PLSCR4: variants seen among roughly 807,000 people sequenced by gnomAD.
PLSCR4 encodes the protein phospholipid scramblase 4.
A neutral mutation model predicts 36.3 loss-of-function variants in PLSCR4; 25 were observed. That is an observed-to-expected ratio of 0.69 (90% CI 0.50 to 0.96). The LOEUF is 0.96. PLSCR4 is among the 40% of genes least tolerant of loss of function. The probability of loss-of-function intolerance (pLI) is 0.00; values close to 1 mark genes in which losing one functional copy is unlikely to be tolerated. For missense variants in PLSCR4, 408 were observed against 414.7 expected, an observed-to-expected ratio of 0.98 and a Z score of 0.14; for synonymous variants, 122 against 132.9, an observed-to-expected ratio of 0.92 and a Z score of 0.56.
Position 146,201,340 on chromosome 3 carries a change from C to G in PLSCR4, c.355-263G>C, listed in dbSNP as rs567796836. On this transcript the variant is annotated intron_variant, in intron 4 of 8. Coordinates refer to ENST00000354952, the MANE Select transcript of PLSCR4 (RefSeq NM_020353.3). ...AAAGTTGTCTGCTATATCAGAAAAA[C>G]AAAACATCTACTTGCTGTAGTAATC... Among the ~76,000 whole-genome samples, 6 of 152,136 alleles carry G rather than the reference C, an allele frequency of 3.9e-5. No individual in the cohort carries two copies. The South Asian group carries it at 1.2e-3, about 32-fold the overall frequency.
In PLSCR4 at chr3:146,220,859, G is replaced by A; in HGVS notation, c.74C>T (p.Pro25Leu). 1 of 1,613,580 alleles carries A rather than the reference G, an allele frequency of 6.2e-7. No homozygotes were observed. The highest frequency in any genetic ancestry group is 8.5e-7 in the Non-Finnish European group (1 of 1,179,656). The change falls in exon 3 of 9, where the codon CCA becomes CTA. Residue 25 changes from proline to leucine, a missense_variant. By Grantham distance (98) the Pro-to-Leu change is moderately conservative. Coordinates refer to ENST00000354952, the MANE Select transcript of PLSCR4 (RefSeq NM_020353.3). ...GTATTCAGGAGGAGCATCAGGCCTT[G>A]GATCTGGTGGTTTTGTTTGATTTTC... ...EMENQTKPPD[P>L]RPDAPPEYNS... is the part of the protein sequence containing the mutation.
At chr3:146,242,722 G>A (rs999356201) in intron 1 of PLSCR4, among the ~76,000 whole-genome samples, 4 of 152,120 alleles carry the variant, frequency 2.6e-5, no homozygotes, top group Admixed American at 6.5e-5. Context: ...TGTGCTTTTC[G>A]AGACGAATGG....
chr3:146,208,416 AATG>A (rs1344613119), intron 3 of PLSCR4, among the ~76,000 whole-genome samples: 3 of 152,288 alleles, frequency 2.0e-5, no homozygotes, highest in African/African-American at 7.2e-5. Context: ...CAACAAAAGC[AATG>A]ATAAGTAGGT....
At chr3:146,242,600 G>A (rs973371948) in intron 1 of PLSCR4, among the ~76,000 whole-genome samples, 1 of 152,202 alleles carries the variant, frequency 6.6e-6, no homozygotes, top group Non-Finnish European at 1.5e-5. Context: ...TAGTAGGTAG[G>A]AAAGGTTAAT....
rs115718621 is a variant in PLSCR4, at chr3:146,235,835, C to T, written c.-21-13743G>A. Among the ~76,000 whole-genome samples, 1,520 of 152,268 alleles carry T rather than the reference C, an allele frequency of 1.0e-2. 16 individuals are homozygous for T. Among genetic ancestry groups the T allele is most frequent in the African/African-American group, 0.035 (1,437 of 41,546 alleles). ...CTTATTGGCAACTAGAGCAAAGGTA[C>T]TTCTGTTCCTTAACAAAGCAATTGG... is the stretch of plus-strand genomic sequence containing the variant. On this transcript the variant is annotated intron_variant, in intron 1 of 8. Coordinates refer to ENST00000354952, the MANE Select transcript of PLSCR4 (RefSeq NM_020353.3).
chr3:146,250,554 T>TA (rs936866145), intron 1 of PLSCR4: 3 of 152,110 alleles, frequency 2.0e-5, no homozygotes, highest in Non-Finnish European at 4.4e-5. Context: ...ATAGCGTTTT[T>TA]ACCTGCGAGT....
chr3:146,246,974 T>A (rs1293852048), intron 1 of PLSCR4, among the ~76,000 whole-genome samples: 2 of 152,168 alleles, frequency 1.3e-5, no homozygotes, highest in Non-Finnish European at 2.9e-5. Context: ...TCCAATAGAT[T>A]TTCTAAGCAT....
intron 5 of PLSCR4, among the ~76,000 whole-genome samples, chr3:146,200,469 T>C (rs2033984519): frequency 6.6e-6 from 1 of 152,114 alleles, no homozygotes; most frequent in African/African-American, 2.4e-5. Context: ...TCAAAGGCCC[T>C]ATGTGGTGGC....
chr3:146,245,825 A>T (rs906606053), intron 1 of PLSCR4, among the ~76,000 whole-genome samples: 77 of 152,246 alleles, frequency 5.1e-4, no homozygotes, highest in African/African-American at 1.8e-3. Context: ...TGAATCTGTA[A>T]CTAAAAAGAC....
intron 1 of PLSCR4, among the ~76,000 whole-genome samples, chr3:146,247,597 T>C (rs377578194): frequency 2.6e-5 from 4 of 152,156 alleles, no homozygotes; most frequent in African/African-American, 9.7e-5. Context: ...TTTCAAAACT[T>C]ATCATTTGTC....
chr3:146,234,462 A>G (rs560112138), intron 1 of PLSCR4, among the ~76,000 whole-genome samples: 49 of 152,318 alleles, frequency 3.2e-4, no homozygotes, highest in African/African-American at 1.0e-3. Context: ...GAAGGCCCAC[A>G]GGTGTGGAAA....
chr3:146,213,745 T>C (rs2034750526), intron 3 of PLSCR4, among the ~76,000 whole-genome samples: 1 of 152,186 alleles, frequency 6.6e-6, no homozygotes, highest in South Asian at 2.1e-4. Flanking sequence ...TTGAGTCAAT[T>C]TCAATTGTTT....
At chr3:146,246,730 T>C (rs566834073) in intron 1 of PLSCR4, among the ~76,000 whole-genome samples, 40 of 152,248 alleles carry the variant, frequency 2.6e-4, no homozygotes, top group African/African-American at 7.0e-4. Context: ...GTATTTAAAA[T>C]TGTAGTAAAA....
In PLSCR4 at chr3:146,196,675, C is replaced by T. The variant is rs1182599578; in HGVS notation, c.743G>A (p.Gly248Glu). ...ACCACAGCCATAGGTTGAGCATGGC[C>T]CACGAACTCTCATCACATTTTCTTT... ...EKKENVMRVR[G>E]PCSTYGCGSD... Residue 248 changes from glycine (G) to glutamate (E), a missense_variant, in exon 7 of 9, where the codon GGG (glycine) becomes GAG (glutamate). Coordinates refer to ENST00000354952, the MANE Select transcript of PLSCR4 (RefSeq NM_020353.3). 1 of 1,613,904 alleles carries T rather than the reference C, an allele frequency of 6.2e-7. No homozygotes were observed. The highest frequency in any genetic ancestry group is 1.7e-5 in the Admixed American group (1 of 59,990).
intron 1 of PLSCR4, among the ~76,000 whole-genome samples, chr3:146,225,535 G>C (rs1350130958): frequency 6.6e-6 from 1 of 152,178 alleles, no homozygotes; most frequent in Non-Finnish European, 1.5e-5. Context: ...GAGGGGGTGG[G>C]AGGCTCAGGC....
At chr3:146,218,134 GA>G (rs143003543) in intron 3 of PLSCR4, among the ~76,000 whole-genome samples, 2,238 of 152,014 alleles carry the variant, frequency 0.015, 62 homozygotes, top group African/African-American at 0.051. Context: ...AGTTAAGTGA[GA>G]AAAAAAGTAT....
chr3:146,242,255 G>A (rs553277405), intron 1 of PLSCR4, among the ~76,000 whole-genome samples: 23 of 152,086 alleles, frequency 1.5e-4, no homozygotes, highest in Non-Finnish European at 2.8e-4. Flanking sequence ...TTCATGAATC[G>A]TTTTTCGCTC....
chr3:146,205,272 A>G lies in PLSCR4; in HGVS notation c.354+1254T>C, dbSNP rs368991177. Among the ~76,000 whole-genome samples the G allele has an allele frequency of 3.7e-4, 57 of 152,180 alleles. 5 individuals are homozygous for G. The South Asian group carries it at 8.9e-3, about 24-fold the overall frequency. The stretch of plus-strand genomic sequence containing the variant: ...GGGATACTTTCCAAGCCCTCAGTGG[A>G]TACCTGAAACCACAGATTGTACCAA... On this transcript the variant is annotated intron_variant, in intron 4 of 8. Coordinates refer to ENST00000354952, the MANE Select transcript of PLSCR4 (RefSeq NM_020353.3).
At chr3:146,198,528 G>A (rs1223658273) in intron 6 of PLSCR4, among the ~76,000 whole-genome samples, 1 of 151,968 alleles carries the variant, frequency 6.6e-6, no homozygotes, top group Non-Finnish European at 1.5e-5. Flanking sequence ...AGTCACCCAA[G>A]TAGCTGGGAC....
Sources: gnomAD v4.1 joint callset for allele counts (sites outside exome capture counted in the v4.1 genomes callset) on GRCh38, gnomAD v4.1.1 for gene constraint, MANE v1.5 for transcripts, NCBI Gene and HGNC (gene_info 2026-07-23, HGNC 2026-07-21) for gene names.